C10orf143: variants seen among roughly 807,000 people sequenced by gnomAD.
The protein encoded by C10orf143 is uncharacterized protein C10orf143.
intron 3 of C10orf143, chr10:130,067,909 G>A (rs572676940): frequency 1.3e-5 from 2 of 152,650 alleles, no homozygotes; most frequent in East Asian, 3.9e-4. Context: ...CTCACAAAGG[G>A]GTTATTACAA....
In C10orf143 at chr10:130,107,299, G is replaced by T. The variant is rs551899093; in HGVS notation, c.69+3405C>A. On this transcript the variant is annotated intron_variant, in intron 1 of 3. Transcript: ENST00000637128. The stretch of plus-strand genomic sequence containing the variant: ...AGAAACTTTCTAAGGTAGACAAAAA[G>T]ATCAGCCATGCCACTAAAGAGCTGG... 2.2e-5 allele frequency: 24 copies of T among 1,108,954 alleles called. No individual in the cohort carries two copies. The South Asian group carries it at 2.8e-4, about 13-fold the overall frequency. 68.7% of individuals were successfully genotyped at this position (1,108,954 alleles called of 1,614,324 possible).
chr10:130,102,313 C>G (rs2134810939), intron 1 of C10orf143, among the ~76,000 whole-genome samples: 1 of 152,216 alleles, frequency 6.6e-6, no homozygotes, highest in African/African-American at 2.4e-5. Flanking sequence ...GACACTCTCA[C>G]TCTGCCACCC....
intron 3 of C10orf143, chr10:130,036,051 C>G (rs769534117): frequency 3.9e-5 from 6 of 152,252 alleles, no homozygotes; most frequent in Non-Finnish European, 7.3e-5. Flanking sequence ...GGGCCCCATC[C>G]TTAGGACCCC....
In C10orf143 at chr10:130,042,155, C is replaced by T. The variant is rs543148985; in HGVS notation, c.298-6185G>A. 2.2e-4 allele frequency among the ~76,000 whole-genome samples: 34 copies of T among 152,348 alleles called. No individual in the cohort carries two copies. The East Asian group carries it at 6.6e-3, about 29-fold the overall frequency. Reference sequence around the variant, plus strand: ...ACAACCCCAGGCAGAGCTCTGTGGGCTTCATGTGGGAAGAAGGGAATGATT... The same window carrying T: ...ACAACCCCAGGCAGAGCTCTGTGGGTTTCATGTGGGAAGAAGGGAATGATT... On this transcript the variant is annotated intron_variant and NMD_transcript_variant, in intron 3 of 5. Coordinates refer to the C10orf143 transcript ENST00000643056.
In C10orf143 at chr10:130,064,155, G is replaced by A. The variant is rs1860891509; in HGVS notation, c.*199C>T. 5.2e-6 allele frequency: 2 copies of A among 387,860 alleles called. No individual in the cohort carries two copies. Among genetic ancestry groups the A allele is most frequent in the Non-Finnish European group, 9.1e-6 (2 of 220,122 alleles). The allele number at this position is 387,860 out of a possible 1,614,324, so 24.0% of individuals were successfully genotyped here. ...TTGGGGGCTCTTTTGAAGTGATGTG[G>A]ATTCTCCTGGCTCTCGTGCAGAGGA... is the stretch of plus-strand genomic sequence containing the variant. On this transcript the variant is annotated 3_prime_UTR_variant, in exon 4 of 4. Coordinates refer to ENST00000637128, the MANE Select transcript of C10orf143 (RefSeq NM_001355042.2).
chr10:130,095,859 A>T (rs1281832358), intron 1 of C10orf143, among the ~76,000 whole-genome samples: 1 of 152,226 alleles, frequency 6.6e-6, no homozygotes, highest in Non-Finnish European at 1.5e-5. Flanking sequence ...AACCTAGGCA[A>T]TACCATTCAG....
At chr10:130,086,073 T>C (rs1861286640) in intron 1 of C10orf143, among the ~76,000 whole-genome samples, 1 of 152,198 alleles carries the variant, frequency 6.6e-6, no homozygotes, top group Non-Finnish European at 1.5e-5. Context: ...GTTTCTAAAT[T>C]GCCAATATCC....
At chr10:130,077,841 C>T (rs2134765188) in intron 3 of C10orf143, among the ~76,000 whole-genome samples, 1 of 152,280 alleles carries the variant, frequency 6.6e-6, no homozygotes, top group South Asian at 2.1e-4. Flanking sequence ...GTTCAAATAT[C>T]AAGAGGTGTG....
At chr10:130,045,725 CAGCCACGTCCCGCCACGCGGGCGGGA>C (rs1860660409) in intron 3 of C10orf143, among the ~76,000 whole-genome samples, 1 of 152,252 alleles carries the variant, frequency 6.6e-6, no homozygotes. Context: ...CAGAAAGTCA[CAGCCACGTCCCGCCACGCGGGCGGGA>C]AAACGTGGAA....
intron 1 of C10orf143, among the ~76,000 whole-genome samples, chr10:130,094,837 C>T (rs1484092279): frequency 1.3e-5 from 2 of 152,330 alleles, no homozygotes; most frequent in African/African-American, 4.8e-5. Context: ...TCCCCTCCCT[C>T]ACCACTCCTA....
chr10:130,106,204 T>G (rs1443128870), intron 1 of C10orf143: 1 of 1,100,120 alleles, frequency 9.1e-7, no homozygotes, highest in Non-Finnish European at 1.4e-6. Context: ...CTGCATTTTT[T>G]GCTGTTCTCC....
At chr10:130,110,581 G>A (rs1427061103) in intron 1 of C10orf143, 123 bp downstream of exon 1, 1 of 397,474 alleles carries the variant, frequency 2.5e-6, no homozygotes, top group African/African-American at 2.1e-5. Context: ...ACGCGAGCGT[G>A]CGAGTGTCTT....
chr10:130,106,545 C>A (rs1177699), intron 1 of C10orf143: 1 of 1,592,896 alleles, frequency 6.3e-7, no homozygotes, highest in African/African-American at 1.3e-5. Context: ...GAATTGATGG[C>A]GGATATTTCA....
chr10:130,106,996 TACTA>T, intron 1 of C10orf143: 2 of 1,093,818 alleles, frequency 1.8e-6, no homozygotes, highest in South Asian at 2.5e-5. Flanking sequence ...TGATTCATGC[TACTA>T]AGTTAAATGC....
intron 1 of C10orf143, among the ~76,000 whole-genome samples, chr10:130,092,418 A>G (rs1189732639): frequency 6.6e-6 from 1 of 152,236 alleles, no homozygotes. Flanking sequence ...TGAGGGAAGC[A>G]TTAAATATGG....
intron 1 of C10orf143, among the ~76,000 whole-genome samples, chr10:130,109,892 C>G (rs1412068521): frequency 6.6e-6 from 1 of 152,122 alleles, no homozygotes; most frequent in Non-Finnish European, 1.5e-5. Flanking sequence ...CTGCTCACTG[C>G]TGCCCCTAGC....
intron 1 of C10orf143, chr10:130,106,176 T>A: frequency 1.1e-6 from 1 of 874,918 alleles, no homozygotes; most frequent in Non-Finnish European, 1.9e-6. Context: ...TGGGAAATGG[T>A]GATATGTGCA....
chr10:130,108,055 T>C (rs763318614), intron 1 of C10orf143: 9 of 1,486,388 alleles, frequency 6.1e-6, no homozygotes, highest in Admixed American at 1.7e-5. Flanking sequence ...ATCTTGGTAA[T>C]TTAAATATCC....
chr10:130,041,935 G>A (rs1440643010), intron 3 of C10orf143, among the ~76,000 whole-genome samples: 2 of 152,126 alleles, frequency 1.3e-5, no homozygotes, highest in Non-Finnish European at 1.5e-5. Context: ...TGCCCTATGT[G>A]TACACATAAC....
Sources: allele counts gnomAD v4.1 joint callset (sites outside exome capture counted in the v4.1 genomes callset), GRCh38; gene constraint gnomAD v4.1.1; transcripts MANE v1.5; gene names NCBI Gene and HGNC (gene_info 2026-07-23, HGNC 2026-07-21).